The following TECPR2 variants were observed in gnomAD, a reference collection of about 807,000 sequenced individuals.
TECPR2 encodes the protein tectonin beta-propeller repeat-containing protein 2.
A neutral mutation model predicts 138.1 loss-of-function variants in TECPR2; 65 were observed. That is an observed-to-expected ratio of 0.47 (90% CI 0.39 to 0.58). The LOEUF (loss-of-function observed/expected upper bound fraction) is 0.58, where lower values mean the gene tolerates loss of function less well. Among genes scored for constraint, TECPR2 ranks in the 20% least tolerant of loss-of-function variants. The pLI is 0.00. For missense variants in TECPR2, 1,553 were observed against 1,824.5 expected (o/e 0.85, Z 2.71); for synonymous variants, 746 against 749.8 (o/e 0.99, Z 0.08).
At chr14:102,426,975 G>T (rs984986063) in intron 6 of TECPR2, among the ~76,000 whole-genome samples, 1 of 152,198 alleles carries the variant, frequency 6.6e-6, no homozygotes, top group African/African-American at 2.4e-5. Flanking sequence ...ACACTGGTTT[G>T]GCAGAAAGAA....
At chr14:102,399,968 CTA>C (rs1001835501) in intron 2 of TECPR2, among the ~76,000 whole-genome samples, 9 of 151,214 alleles carry the variant, frequency 6.0e-5, no homozygotes, top group African/African-American at 2.2e-4. Flanking sequence ...ATTTAAGAGA[CTA>C]AAATGCTTTT....
chr14:102,468,001 T>G (rs1890583665), intron 17 of TECPR2, among the ~76,000 whole-genome samples: 4 of 137,900 alleles, frequency 2.9e-5, no homozygotes, highest in African/African-American at 1.0e-4. Flanking sequence ...CACGCCTGGC[T>G]ATTTTTTTTT....
At chr14:102,464,837 G>A (rs1595139890) in intron 16 of TECPR2, among the ~76,000 whole-genome samples, 2 of 152,204 alleles carry the variant, frequency 1.3e-5, no homozygotes, top group Admixed American at 1.3e-4. Context: ...TCAGGGCACT[G>A]TACTGACAGC....
intron 2 of TECPR2, among the ~76,000 whole-genome samples, chr14:102,398,072 C>CAAAAAAAAAAAA (rs560266373): frequency 8.8e-5 from 4 of 45,636 alleles, no homozygotes; most frequent in Non-Finnish European, 1.4e-4. Context: ...GATTCTGTCT[C>CAAAAAAAAAAAA]AAAAAAAAAA....
intron 5 of TECPR2, among the ~76,000 whole-genome samples, chr14:102,421,938 G>A (rs181748669): frequency 5.3e-5 from 8 of 152,280 alleles, no homozygotes; most frequent in African/African-American, 1.9e-4. Context: ...TTGGGAGAAG[G>A]AATCAGCCAG....
At chr14:102,405,135 C>CT (rs1399274636) in intron 2 of TECPR2, among the ~76,000 whole-genome samples, 2 of 151,920 alleles carry the variant, frequency 1.3e-5, no homozygotes, top group Non-Finnish European at 2.9e-5. Flanking sequence ...TGGGGAAACT[C>CT]TGTCTCTACT....
chr14:102,466,083 AAG>A, intron 17 of TECPR2, among the ~76,000 whole-genome samples: 1 of 152,268 alleles, frequency 6.6e-6, no homozygotes, highest in East Asian at 1.9e-4. Context: ...GGAGTCAGGA[AAG>A]AGGTAAAGAG....
At chr14:102,430,947 G>A (rs986641484) in intron 7 of TECPR2, among the ~76,000 whole-genome samples, 6 of 151,290 alleles carry the variant, frequency 4.0e-5, no homozygotes, top group Non-Finnish European at 7.4e-5. Context: ...AAGCTGTTTT[G>A]TTATACACAG....
chr14:102,486,177 G>A (rs1178514195), intron 17 of TECPR2, among the ~76,000 whole-genome samples: 6 of 152,248 alleles, frequency 3.9e-5, no homozygotes, highest in Non-Finnish European at 8.8e-5. Flanking sequence ...ACCCACCACG[G>A]AGAGGGAGAG....
chr14:102,370,638 T>C (rs1278001611), intron 1 of TECPR2, among the ~76,000 whole-genome samples: 1 of 152,176 alleles, frequency 6.6e-6, no homozygotes, highest in Non-Finnish European at 1.5e-5. Context: ...CCAGCAACAC[T>C]TGGGCTTTAG....
At chr14:102,424,124 A>G (rs1889253255) in intron 5 of TECPR2, among the ~76,000 whole-genome samples, 1 of 152,232 alleles carries the variant, frequency 6.6e-6, no homozygotes, top group South Asian at 2.1e-4. Context: ...TGGTAGGTAC[A>G]GCCTACTTCC....
At position 102,425,167 on chromosome 14, in the gene TECPR2, C is replaced by G; in HGVS notation, c.827C>G (p.Ser276Cys). The G allele has an allele frequency of 1.2e-6, 2 of 1,614,120 alleles. No homozygotes were observed. Among genetic ancestry groups the G allele is most frequent in the Non-Finnish European group, 1.7e-6 (2 of 1,180,026 alleles). ...KPFELHPRLE[S>C]PNSGSCSLPE... ...TTTGAACTGCACCCGCGTCTGGAATCCCCCAACAGTGGAAGTTGCAGCTTA... is the reference window on the plus strand; with the variant it reads ...TTTGAACTGCACCCGCGTCTGGAATGCCCCAACAGTGGAAGTTGCAGCTTA... Residue 276 changes from serine (S) to cysteine (C), a missense_variant, in exon 6 of 20, where the codon TCC (serine) becomes TGC (cysteine). By Grantham distance (112) the Ser-to-Cys change is moderately radical (BLOSUM62 -1). Coordinates refer to ENST00000359520, the MANE Select transcript of TECPR2 (RefSeq NM_014844.5).
At chr14:102,368,787 G>A (rs1327733454) in intron 1 of TECPR2, among the ~76,000 whole-genome samples, 2 of 151,926 alleles carry the variant, frequency 1.3e-5, no homozygotes, top group South Asian at 2.1e-4. Context: ...CAGTGTAGGC[G>A]AGGGATATGA....
chr14:102,440,651 C>A, intron 11 of TECPR2, 42 bp downstream of exon 11: 1 of 1,596,142 alleles, frequency 6.3e-7, no homozygotes, highest in South Asian at 1.1e-5. Context: ...GCTCTGCCGT[C>A]ACTGCCTCTG....
intron 17 of TECPR2, among the ~76,000 whole-genome samples, chr14:102,471,337 C>A (rs1281353685): frequency 6.6e-6 from 1 of 152,068 alleles, no homozygotes; most frequent in Non-Finnish European, 1.5e-5. Context: ...TGTTGGCATC[C>A]AATTGTTCAC....
rs371781829 is a variant in TECPR2, at chr14:102,376,766, G to A, written c.45G>A (p.Pro15=). 7.5e-5 allele frequency: 121 copies of A among 1,614,072 alleles called. No homozygotes were observed. Among genetic ancestry groups the A allele is most frequent in the South Asian group, 1.5e-4 (14 of 91,090 alleles). The change falls in exon 2 of 20, where the codon CCG becomes CCA. Residue 15 remains proline, a synonymous_variant. Transcript: ENST00000359520. ...CTGTTACATTCAGAGAGTTCTGCCC[G>A]TTGTACTATCTCCTCAATGCCATTC... The part of the protein sequence containing the change: ...SEPVTFREFC[P]LYYLLNAIPT...
chr14:102,388,905 G>A (rs1888092273), intron 2 of TECPR2, among the ~76,000 whole-genome samples: 2 of 150,850 alleles, frequency 1.3e-5, no homozygotes, highest in African/African-American at 2.4e-5. Flanking sequence ...AGCTTGCAGT[G>A]AGCCGAGATT....
intron 17 of TECPR2, among the ~76,000 whole-genome samples, chr14:102,476,229 AAAC>A (rs1378660797): frequency 2.7e-4 from 40 of 150,484 alleles, no homozygotes; most frequent in African/African-American, 6.6e-4. Context: ...AAAAAAAAAA[AAAC>A]AATATCAAAA....
At chr14:102,429,421 A>G (rs1889409809) in intron 7 of TECPR2, among the ~76,000 whole-genome samples, 2 of 152,192 alleles carry the variant, frequency 1.3e-5, no homozygotes, top group Non-Finnish European at 2.9e-5. Flanking sequence ...GTTTACCCTT[A>G]ACTCAGTTCT....
Sources: gnomAD v4.1 joint callset for allele counts (sites outside exome capture counted in the v4.1 genomes callset) on GRCh38, gnomAD v4.1.1 for gene constraint, MANE v1.5 for transcripts, NCBI Gene and HGNC (gene_info 2026-07-23, HGNC 2026-07-21) for gene names.